The following FOXN3 variants were observed in gnomAD, a reference collection of about 807,000 sequenced individuals.
FOXN3 encodes the protein forkhead box N3, also known as forkhead box protein N3.
Under a neutral mutation model 38.4 loss-of-function variants are expected in FOXN3, and 7 were observed. The ratio of observed to expected loss-of-function variants is 0.18; its 90% CI spans 0.10 to 0.34. The LOEUF is 0.34. Among genes scored for constraint, FOXN3 ranks in the 10% least tolerant of loss-of-function variants. FOXN3 has a pLI of 1.00. For missense variants in FOXN3, 456 were observed against 613.4 expected, an observed-to-expected ratio of 0.74 and a Z score of 2.71; for synonymous variants, 230 against 242.2, an observed-to-expected ratio of 0.95 and a Z score of 0.47.
At chr14:89,408,972 G>A (rs1241345578) in intron 2 of FOXN3, among the ~76,000 whole-genome samples, 2 of 152,144 alleles carry the variant, frequency 1.3e-5, no homozygotes, top group African/African-American at 2.4e-5. Flanking sequence ...TACCCCAAGT[G>A]ACTGGGCCAG....
intron 4 of FOXN3, among the ~76,000 whole-genome samples, chr14:89,252,970 G>C (rs2139881328): frequency 6.6e-6 from 1 of 152,318 alleles, no homozygotes; most frequent in South Asian, 2.1e-4. Flanking sequence ...TCACTTTAGA[G>C]AAAGGAGACA....
intron 1 of FOXN3, among the ~76,000 whole-genome samples, chr14:89,459,511 T>C (rs1892794766): frequency 6.6e-6 from 1 of 152,210 alleles, no homozygotes; most frequent in South Asian, 2.1e-4. Context: ...GGACTTGATC[T>C]AGAGCCTGCA....
At chr14:89,573,484 A>G (rs1895536208) in intron 1 of FOXN3, among the ~76,000 whole-genome samples, 1 of 152,216 alleles carries the variant, frequency 6.6e-6, no homozygotes, top group Non-Finnish European at 1.5e-5. Flanking sequence ...CATACATACT[A>G]TATTACAAAT....
At chr14:89,512,694 G>C (rs961536612) in intron 1 of FOXN3, among the ~76,000 whole-genome samples, 2 of 152,226 alleles carry the variant, frequency 1.3e-5, no homozygotes, top group Admixed American at 1.3e-4. Context: ...CACAACTGCT[G>C]TTTCTCAACT....
intron 2 of FOXN3, among the ~76,000 whole-genome samples, chr14:89,410,557 T>C (rs1891516610): frequency 6.6e-6 from 1 of 152,182 alleles, no homozygotes; most frequent in African/African-American, 2.4e-5. Context: ...GCCCAATTTC[T>C]ACGAAACCTA....
rs376312527 is a variant in FOXN3, at chr14:89,613,859, G to A, written c.-15+5169C>T. Among the ~76,000 whole-genome samples the A allele has an allele frequency of 1.3e-3, 194 of 152,232 alleles. 8 individuals carry two copies. The South Asian group carries it at 0.037, about 29-fold the overall frequency. ...GCCATGAGCAGCACAGTTCTACTGC[G>A]GTTTGCCTGAATGAAGAGTCTCCTG... On this transcript the variant is annotated intron_variant, in intron 1 of 6. Transcript: ENST00000345097.
chr14:89,360,704 C>T (rs1889454030), intron 2 of FOXN3, among the ~76,000 whole-genome samples: 1 of 146,716 alleles, frequency 6.8e-6, no homozygotes, highest in African/African-American at 2.6e-5. Flanking sequence ...CAGCTACCAC[C>T]ACCTCCAGCA....
At chr14:89,365,865 T>A (rs951325324) in intron 2 of FOXN3, among the ~76,000 whole-genome samples, 1 of 152,174 alleles carries the variant, frequency 6.6e-6, no homozygotes, top group Non-Finnish European at 1.5e-5. Flanking sequence ...AAAGTACACA[T>A]GGAGAGATTT....
chr14:89,539,534 C>G (rs964190643), intron 1 of FOXN3, among the ~76,000 whole-genome samples: 1 of 152,174 alleles, frequency 6.6e-6, no homozygotes, highest in Non-Finnish European at 1.5e-5. Context: ...GGGTCGATAA[C>G]AAAATTTCAA....
At chr14:89,606,553 T>C (rs1045928125) in intron 1 of FOXN3, among the ~76,000 whole-genome samples, 1 of 152,114 alleles carries the variant, frequency 6.6e-6, no homozygotes, top group Non-Finnish European at 1.5e-5. Context: ...GTGTGTAGTA[T>C]AAAAATAAAA....
intron 4 of FOXN3, among the ~76,000 whole-genome samples, chr14:89,236,282 G>A (rs1352768327): frequency 6.6e-6 from 1 of 152,182 alleles, no homozygotes; most frequent in Non-Finnish European, 1.5e-5. Context: ...TTGGGAGGCC[G>A]AGGCGGGTGG....
rs1296690970 is a variant in FOXN3 at position 89,395,287 on chromosome 14, T to C, written c.543+16647A>G. Among the ~76,000 whole-genome samples, 6 of 152,286 alleles carry C rather than the reference T, an allele frequency of 3.9e-5. No homozygotes were observed. In the East Asian group the frequency reaches 9.6e-4, roughly 24 times the overall value. On this transcript the variant is annotated intron_variant, in intron 2 of 5. Transcript: ENST00000557258. Reference sequence around the variant, plus strand: ...ATTCTGCTTACAGATGAATGATTAATTAAACATACTGAATGAACACAGTGG... The same window carrying C: ...ATTCTGCTTACAGATGAATGATTAACTAAACATACTGAATGAACACAGTGG...
chr14:89,300,916 C>T (rs1887198362), intron 3 of FOXN3, among the ~76,000 whole-genome samples: 1 of 152,184 alleles, frequency 6.6e-6, no homozygotes, highest in Non-Finnish European at 1.5e-5. Context: ...CTTGCCTCAG[C>T]CTTCCACGTA....
chr14:89,444,564 G>A (rs1391100151), intron 1 of FOXN3, among the ~76,000 whole-genome samples: 3 of 152,090 alleles, frequency 2.0e-5, no homozygotes, highest in African/African-American at 4.8e-5. Context: ...GCATGAAGGC[G>A]GCTGTATCTC....
At chr14:89,370,981 T>G (rs1890303157) in intron 2 of FOXN3, among the ~76,000 whole-genome samples, 1 of 135,646 alleles carries the variant, frequency 7.4e-6, no homozygotes, top group African/African-American at 2.4e-5. Flanking sequence ...AACAAAACCG[T>G]GCGTCTATTT....
intron 1 of FOXN3, among the ~76,000 whole-genome samples, chr14:89,600,729 C>T (rs888551556): frequency 6.6e-6 from 1 of 152,120 alleles, no homozygotes; most frequent in Non-Finnish European, 1.5e-5. Flanking sequence ...TTACAGCCTG[C>T]CAGTTCCTGG....
intron 4 of FOXN3, among the ~76,000 whole-genome samples, chr14:89,261,541 C>A (rs1036133402): frequency 8.5e-5 from 13 of 152,276 alleles, no homozygotes; most frequent in Middle Eastern, 3.4e-3. Context: ...CGCCTGTAAT[C>A]CCAGCACTTT....
intron 1 of FOXN3, among the ~76,000 whole-genome samples, chr14:89,518,412 G>A (rs984049408): frequency 1.3e-5 from 2 of 152,152 alleles, no homozygotes; most frequent in Non-Finnish European, 2.9e-5. Context: ...AAGACTGATT[G>A]GAGGAGGGGC....
chr14:89,376,948 G>A (rs1473371940), intron 2 of FOXN3, among the ~76,000 whole-genome samples: 1 of 142,912 alleles, frequency 7.0e-6, no homozygotes, highest in African/African-American at 2.6e-5. Flanking sequence ...TTGAACCCGG[G>A]AGGCAGAGAT....
Sources: allele counts gnomAD v4.1 joint callset (sites outside exome capture counted in the v4.1 genomes callset), GRCh38; gene constraint gnomAD v4.1.1; transcripts MANE v1.5; gene names NCBI Gene and HGNC (gene_info 2026-07-23, HGNC 2026-07-21).